Variants in NRXN3 observed in about 807,000 individuals in gnomAD.
NRXN3 encodes neurexin III.
NRXN3 carries 32 observed loss-of-function variants against 137.6 expected under a neutral mutation model. The ratio of observed to expected loss-of-function variants is 0.23; its 90% CI spans 0.18 to 0.31. The LOEUF (loss-of-function observed/expected upper bound fraction) is 0.31. NRXN3 is among the 10% of genes least tolerant of loss of function. The pLI is 1.00. For synonymous variants in NRXN3, 798 were observed against 784.5 expected (o/e 1.02, Z -0.29); for missense variants, 1,574 against 2,062.5 (o/e 0.76, Z 4.59).
At chr14:78,995,277 A>T in intron 15 of NRXN3, among the ~76,000 whole-genome samples, 1 of 152,314 alleles carries the variant, frequency 6.6e-6, no homozygotes, top group African/African-American at 2.4e-5. Context: ...AAATGTCTTT[A>T]GCCATTATAG....
At chr14:79,726,371 A>T (rs1337953181) in intron 19 of NRXN3, among the ~76,000 whole-genome samples, 6 of 152,130 alleles carry the variant, frequency 3.9e-5, no homozygotes, top group African/African-American at 1.4e-4. Flanking sequence ...TGATTGTAGA[A>T]CTGCTTCTAC....
chr14:79,460,825 T>C (rs1186093945), intron 15 of NRXN3, among the ~76,000 whole-genome samples: 1 of 152,224 alleles, frequency 6.6e-6, no homozygotes, highest in African/African-American at 2.4e-5. Flanking sequence ...CTCAGCTTAC[T>C]GAGCAGCAAA....
intron 15 of NRXN3, among the ~76,000 whole-genome samples, chr14:79,052,450 C>T (rs921414050): frequency 1.1e-4 from 17 of 152,176 alleles, no homozygotes; most frequent in Admixed American, 3.9e-4. Flanking sequence ...CAAAACCCCT[C>T]GCAGTTACAC....
At chr14:79,427,830 CAAA>C (rs72009535) in intron 15 of NRXN3, among the ~76,000 whole-genome samples, 3 of 119,370 alleles carry the variant, frequency 2.5e-5, no homozygotes, top group Admixed American at 8.3e-5. Flanking sequence ...GACTCCATCT[CAAA>C]AAAAAAAAAA....
intron 15 of NRXN3, among the ~76,000 whole-genome samples, chr14:79,276,626 A>G (rs1242382281): frequency 1.3e-5 from 2 of 152,220 alleles, no homozygotes; most frequent in South Asian, 4.2e-4. Context: ...ATTGCCTAGC[A>G]GAGAATTAAT....
At chr14:79,140,947 G>A (rs2058732589) in intron 15 of NRXN3, among the ~76,000 whole-genome samples, 1 of 151,974 alleles carries the variant, frequency 6.6e-6, no homozygotes, top group African/African-American at 2.4e-5. Flanking sequence ...CAATACAAAT[G>A]TATATATATT....
At chr14:79,696,405 C>T (rs879900229) in intron 18 of NRXN3, among the ~76,000 whole-genome samples, 42 of 151,832 alleles carry the variant, frequency 2.8e-4, no homozygotes, top group Non-Finnish European at 5.2e-4. Flanking sequence ...GTTGTTTGAT[C>T]ACTAAGTAGA....
chr14:78,883,448 A>G (rs2099134970), intron 10 of NRXN3, among the ~76,000 whole-genome samples: 1 of 152,194 alleles, frequency 6.6e-6, no homozygotes, highest in South Asian at 2.1e-4. Flanking sequence ...AGCAATTTTA[A>G]AAGTGAAGGC....
intron 15 of NRXN3, among the ~76,000 whole-genome samples, chr14:79,427,119 C>T (rs1276454526): frequency 6.6e-6 from 1 of 152,006 alleles, no homozygotes; most frequent in African/African-American, 2.4e-5. Flanking sequence ...TATTGGCAAT[C>T]CTATTGACCT....
At chr14:79,040,242 A>T (rs886666557) in intron 15 of NRXN3, among the ~76,000 whole-genome samples, 1 of 152,232 alleles carries the variant, frequency 6.6e-6, no homozygotes, top group African/African-American at 2.4e-5. Flanking sequence ...CCTGCATATC[A>T]TCAGTGTCCT....
intron 4 of NRXN3, among the ~76,000 whole-genome samples, chr14:78,446,804 G>A (rs2094432147): frequency 1.3e-5 from 2 of 152,258 alleles, no homozygotes; most frequent in South Asian, 4.2e-4. Context: ...AGAAGGGGAG[G>A]GGAAGGTGTC....
At chr14:79,756,298 C>T (rs1398698161) in intron 19 of NRXN3, among the ~76,000 whole-genome samples, 1 of 152,202 alleles carries the variant, frequency 6.6e-6, no homozygotes, top group Non-Finnish European at 1.5e-5. Context: ...TCCTCTCCCA[C>T]TCTGGGTTCA....
Position 79,862,264 on chromosome 14 carries a change from C to G in NRXN3, c.*300C>G, listed in dbSNP as rs905225356. The stretch of plus-strand genomic sequence containing the variant: ...AGCGCTCTGGAGCCGGACGGTGGCT[C>G]CACCACTTCCGCAGGCCTGGAAACT... On this transcript the variant is annotated 3_prime_UTR_variant, in exon 21 of 21. Coordinates refer to ENST00000335750, the MANE Select transcript of NRXN3 (RefSeq NM_001330195.2). 4.0e-6 allele frequency: 1 copy of G among 249,274 alleles called. No homozygotes were observed. The highest frequency in any genetic ancestry group is 7.8e-6 in the Non-Finnish European group (1 of 128,530). 15.4% of individuals were successfully genotyped at this position (249,274 alleles called of 1,614,324 possible).
rs76361384 is a variant in NRXN3, at chr14:79,785,756, A to C, written c.4015-19356A>C. On this transcript the variant is annotated intron_variant, in intron 19 of 20. Transcript: ENST00000335750. ...AGAAAGGTTGAATGAATGATTGGTG[A>C]GTCATCAACCTTGGCATAGTTGGGA... Among the ~76,000 whole-genome samples, 348 of 152,268 alleles carry C rather than the reference A, an allele frequency of 2.3e-3. 12 individuals carry two copies. In the East Asian group the frequency reaches 0.044, roughly 19 times the overall value.
rs553852957 is a variant in NRXN3, at chr14:79,573,447, A to G, written c.3445-90331A>G. The stretch of plus-strand genomic sequence containing the variant: ...CACAGCACTGGTTTTGTCAGTTTTC[A>G]GTTCTTTGAAAAAATTGGAAATGTG... On this transcript the variant is annotated intron_variant, in intron 16 of 20. Coordinates refer to ENST00000335750, the MANE Select transcript of NRXN3 (RefSeq NM_001330195.2). 2.6e-5 allele frequency among the ~76,000 whole-genome samples: 4 copies of G among 152,196 alleles called. No individual in the cohort carries two copies. The South Asian group carries it at 6.2e-4, about 24-fold the overall frequency.
chr14:78,690,875 G>A (rs940940981), intron 6 of NRXN3, among the ~76,000 whole-genome samples: 2 of 152,160 alleles, frequency 1.3e-5, no homozygotes, highest in African/African-American at 2.4e-5. Context: ...CAGATTTGAA[G>A]CCTGAAGCTT....
chr14:79,332,308 G>A (rs1010343828), intron 15 of NRXN3, among the ~76,000 whole-genome samples: 6 of 152,156 alleles, frequency 3.9e-5, no homozygotes, highest in African/African-American at 1.4e-4. Flanking sequence ...TTAGCTTTTT[G>A]TGTAGCCTTG....
At chr14:79,826,575 C>A (rs1347398087) in intron 20 of NRXN3, among the ~76,000 whole-genome samples, 1 of 152,132 alleles carries the variant, frequency 6.6e-6, no homozygotes, top group African/African-American at 2.4e-5. Flanking sequence ...GTGTGTATTT[C>A]CTAACAAGGA....
chr14:79,189,852 G>A (rs1037079881), intron 15 of NRXN3, among the ~76,000 whole-genome samples: 2 of 152,080 alleles, frequency 1.3e-5, no homozygotes, highest in African/African-American at 4.8e-5. Context: ...CATATTTATC[G>A]ATTCATCAGA....
Sources: allele counts gnomAD v4.1 joint callset (sites outside exome capture counted in the v4.1 genomes callset), GRCh38; gene constraint gnomAD v4.1.1; transcripts MANE v1.5; gene names NCBI Gene and HGNC (gene_info 2026-07-23, HGNC 2026-07-21).